The following RIMS1 variants were observed in gnomAD, a reference collection of about 807,000 sequenced individuals.
RIMS1 encodes the protein regulating synaptic membrane exocytosis protein 1.
A neutral mutation model predicts 214.1 loss-of-function variants in RIMS1; 83 were observed. The observed-to-expected ratio is 0.39, with a 90% CI of 0.32 to 0.47. The LOEUF is 0.47. Ranked by LOEUF, RIMS1 falls within the 20% of genes least tolerant of loss-of-function variation. The probability of loss-of-function intolerance (pLI) is 0.99; values close to 1 mark genes in which losing one functional copy is unlikely to be tolerated. For synonymous variants in RIMS1, 793 were observed against 786.8 expected, an observed-to-expected ratio of 1.01 and a Z score of -0.13; for missense variants, 2,050 against 2,161.8, an observed-to-expected ratio of 0.95 and a Z score of 1.03.
chr6:72,350,748 A>T (rs2097419885), intron 29 of RIMS1, among the ~76,000 whole-genome samples: 1 of 152,166 alleles, frequency 6.6e-6, no homozygotes, highest in Non-Finnish European at 1.5e-5. Flanking sequence ...TTACAAGCTC[A>T]TTTACTAAGT....
chr6:72,359,551 T>C lies in RIMS1; in HGVS notation c.4366+25716T>C, dbSNP rs117808239. Among the ~76,000 whole-genome samples, 677 of 152,230 alleles carry C rather than the reference T, an allele frequency of 4.4e-3. 2 individuals carry two copies. The highest frequency in any genetic ancestry group is 7.3e-3 in the South Asian group (35 of 4,820). On this transcript the variant is annotated intron_variant, in intron 29 of 33. Transcript: ENST00000521978. ...CCAGTTAGGCACGTCTTCAATGACC[T>C]GCCTTAATATTGACCATTTCACACT... is the stretch of plus-strand genomic sequence containing the variant.
intron 2 of RIMS1, among the ~76,000 whole-genome samples, chr6:72,014,039 G>C (rs901977579): frequency 6.6e-6 from 1 of 152,096 alleles, no homozygotes; most frequent in Non-Finnish European, 1.5e-5. Context: ...TTCTCACACT[G>C]CTAATAAAGA....
At chr6:72,324,957 G>A (rs2154324649) in intron 28 of RIMS1, among the ~76,000 whole-genome samples, 1 of 151,792 alleles carries the variant, frequency 6.6e-6, no homozygotes, top group Admixed American at 6.6e-5. Context: ...TTTCTGAAAA[G>A]TACAACTTAC....
At chr6:72,212,183 A>C (rs2053934273) in intron 6 of RIMS1, among the ~76,000 whole-genome samples, 1 of 152,066 alleles carries the variant, frequency 6.6e-6, no homozygotes. Flanking sequence ...TAGTGAAAAG[A>C]CTACAGTTAA....
intron 28 of RIMS1, among the ~76,000 whole-genome samples, chr6:72,326,566 T>G (rs557637793): frequency 1.3e-5 from 2 of 152,000 alleles, no homozygotes; most frequent in East Asian, 3.9e-4. Context: ...CCACATTACT[T>G]GTTTGTATTT....
At chr6:72,271,688 T>G (rs954915519) in intron 22 of RIMS1, among the ~76,000 whole-genome samples, 1 of 152,146 alleles carries the variant, frequency 6.6e-6, no homozygotes, top group Non-Finnish European at 1.5e-5. Context: ...TTTAATTGCT[T>G]TCTGAGGCCT....
chr6:72,253,536 T>G (rs2074392429), intron 16 of RIMS1, among the ~76,000 whole-genome samples: 1 of 151,950 alleles, frequency 6.6e-6, no homozygotes, highest in Non-Finnish European at 1.5e-5. Flanking sequence ...TTTTTAAAAA[T>G]TTACTAATGA....
At position 72,250,906 on chromosome 6, in the gene RIMS1, A is replaced by C; in HGVS notation, c.2373-15A>C. On this transcript the variant is annotated splice_polypyrimidine_tract_variant and intron_variant, in intron 13 of 33. Transcript: ENST00000521978. Reference sequence around the variant, plus strand: ...GTACTTGCTTTTTCATTTACAAAACATACTTATTTTTCAGTGATAAAAGTA... The same window carrying C: ...GTACTTGCTTTTTCATTTACAAAACCTACTTATTTTTCAGTGATAAAAGTA... The C allele has an allele frequency of 2.8e-6, 4 of 1,437,078 alleles. No homozygotes were observed. The highest frequency in any genetic ancestry group is 5.0e-5 in the East Asian group (2 of 40,054). 89.0% of individuals were successfully genotyped at this position (1,437,078 alleles called of 1,614,324 possible).
intron 2 of RIMS1, among the ~76,000 whole-genome samples, chr6:72,009,765 G>T (rs1562100494): frequency 6.6e-6 from 1 of 152,090 alleles, no homozygotes; most frequent in Admixed American, 6.6e-5. Flanking sequence ...ACCCTCCCAA[G>T]ACTAAACCAG....
At chr6:72,330,712 C>T (rs1417456957) in intron 28 of RIMS1, among the ~76,000 whole-genome samples, 3 of 151,672 alleles carry the variant, frequency 2.0e-5, no homozygotes, top group Admixed American at 2.0e-4. Context: ...TTTCAAGAAA[C>T]AGAAGCAGAA....
chr6:72,133,084 A>G (rs1203861363), intron 4 of RIMS1, among the ~76,000 whole-genome samples: 2 of 152,168 alleles, frequency 1.3e-5, no homozygotes, highest in Admixed American at 1.3e-4. Flanking sequence ...TGTCTGAAAA[A>G]CAGACAGGCA....
chr6:72,400,021 GA>G (rs927492012), intron 33 of RIMS1, among the ~76,000 whole-genome samples: 3 of 152,082 alleles, frequency 2.0e-5, no homozygotes, highest in African/African-American at 7.2e-5. Flanking sequence ...TAATACGAAA[GA>G]AATCAAATGA....
intron 4 of RIMS1, among the ~76,000 whole-genome samples, chr6:72,136,377 CTT>C (rs2041280597): frequency 6.6e-6 from 1 of 150,992 alleles, no homozygotes; most frequent in Admixed American, 6.6e-5. Context: ...TTTTATTACT[CTT>C]AGTATAAACA....
At chr6:72,355,858 A>C (rs2097616987) in intron 29 of RIMS1, among the ~76,000 whole-genome samples, 1 of 152,220 alleles carries the variant, frequency 6.6e-6, no homozygotes, top group Admixed American at 6.5e-5. Context: ...TGAGCATAAT[A>C]ATCAGATTTG....
intron 4 of RIMS1, among the ~76,000 whole-genome samples, chr6:72,143,480 T>C (rs932189838): frequency 6.6e-6 from 1 of 152,150 alleles, no homozygotes; most frequent in Non-Finnish European, 1.5e-5. Flanking sequence ...GAAAAAATGG[T>C]CAATTCCAGA....
intron 31 of RIMS1, among the ~76,000 whole-genome samples, chr6:72,395,195 A>G (rs1387737737): frequency 6.6e-6 from 1 of 152,062 alleles, no homozygotes; most frequent in Non-Finnish European, 1.5e-5. Context: ...TTACTCTAAT[A>G]GGAGCCTAAA....
At chr6:72,258,071 G>A (rs764036378) in intron 16 of RIMS1, 54 bp from the exon 17 acceptor site, 75 of 1,480,788 alleles carry the variant, frequency 5.1e-5, no homozygotes, top group Non-Finnish European at 6.8e-5. Flanking sequence ...CTGTGTTAAT[G>A]TTTGCATTAT....
chr6:71,896,076 A>C (rs1208670608), intron 1 of RIMS1, among the ~76,000 whole-genome samples: 1 of 152,230 alleles, frequency 6.6e-6, no homozygotes, highest in African/African-American at 2.4e-5. Flanking sequence ...AAGACATTTT[A>C]CATCCTAGTA....
intron 2 of RIMS1, among the ~76,000 whole-genome samples, chr6:71,995,177 CAG>C (rs958764400): frequency 2.6e-5 from 4 of 152,058 alleles, no homozygotes; most frequent in African/African-American, 7.2e-5. Context: ...TTATAAAAAA[CAG>C]AGAGAAGTTG....
Sources: allele counts gnomAD v4.1 joint callset (sites outside exome capture counted in the v4.1 genomes callset), GRCh38; gene constraint gnomAD v4.1.1; transcripts MANE v1.5; gene names NCBI Gene and HGNC (gene_info 2026-07-23, HGNC 2026-07-21).